CNKSR2: variants seen among roughly 807,000 people sequenced by gnomAD.
CNKSR2 encodes connector enhancer of kinase suppressor of Ras 2.
CNKSR2 carries 14 observed loss-of-function variants against 84.4 expected under a neutral mutation model. The observed-to-expected ratio is 0.17, with a 90% CI of 0.11 to 0.26. CNKSR2 has a LOEUF of 0.26. CNKSR2 is among the 10% of genes least tolerant of loss of function. The pLI, the probability that CNKSR2 is intolerant of heterozygous loss-of-function variation, is 1.00. For missense variants in CNKSR2, 485 were observed against 771.2 expected, an observed-to-expected ratio of 0.63 and a Z score of 4.40; for synonymous variants, 275 against 277.9, an observed-to-expected ratio of 0.99 and a Z score of 0.10.
chrX:21,409,228 T>TTATATA (rs57301315), intron 1 of CNKSR2, among the ~76,000 whole-genome samples: 60 of 38,439 alleles, frequency 1.6e-3, no homozygotes, highest in African/African-American at 2.1e-3. Context: ...AATGAAAAAA[T>TTATATA]TATATATATA....
At chrX:21,537,286 T>C (rs2091937125) in intron 11 of CNKSR2, among the ~76,000 whole-genome samples, 1 of 111,697 alleles carries the variant, frequency 9.0e-6, no homozygotes, top group Admixed American at 9.5e-5. Flanking sequence ...GCCTAACGTA[T>C]GGTCTATCCT....
At chrX:21,517,752 A>G (rs2091743067) in intron 9 of CNKSR2, among the ~76,000 whole-genome samples, 1 of 111,206 alleles carries the variant, frequency 9.0e-6, no homozygotes, top group Non-Finnish European at 1.9e-5. Flanking sequence ...TTGAACTGGA[A>G]CATGGCCCAT....
chrX:21,455,824 T>G (rs1209999681), intron 4 of CNKSR2, among the ~76,000 whole-genome samples: 2 of 112,176 alleles, frequency 1.8e-5, no homozygotes, highest in East Asian at 5.6e-4. Flanking sequence ...CAAACTATGT[T>G]TAGCTCCCTG....
intron 20 of CNKSR2, chrX:21,642,527 G>GT (rs1424693167): frequency 1.3e-6 from 1 of 747,900 alleles, no homozygotes; most frequent in Non-Finnish European, 1.6e-6. Context: ...TGTAGTGGAT[G>GT]TGAAATTTCC....
At chrX:21,441,846 A>G (rs1333447861) in intron 4 of CNKSR2, among the ~76,000 whole-genome samples, 3 of 111,934 alleles carry the variant, frequency 2.7e-5, no homozygotes, top group Non-Finnish European at 5.7e-5. Context: ...AACAGTTATG[A>G]TGATGATTAT....
chrX:21,535,026 G>A (rs2091915368), intron 11 of CNKSR2, among the ~76,000 whole-genome samples: 1 of 110,921 alleles, frequency 9.0e-6, no homozygotes, highest in African/African-American at 3.3e-5. Context: ...TTATATTTAA[G>A]CGTTTAATCC....
intron 8 of CNKSR2, chrX:21,505,031 T>C: frequency 3.7e-6 from 1 of 268,621 alleles, no homozygotes; most frequent in East Asian, 5.3e-5. Context: ...GCAGCAACTC[T>C]GCCCTCATGA....
At chrX:21,473,312 C>T (rs993481504) in intron 5 of CNKSR2, among the ~76,000 whole-genome samples, 1 of 111,748 alleles carries the variant, frequency 8.9e-6, no homozygotes, top group African/African-American at 3.3e-5. Context: ...CAAAGATTAC[C>T]CAGCCTTTAC....
chrX:21,482,631 G>C (rs145849944), intron 5 of CNKSR2, among the ~76,000 whole-genome samples: 2 of 112,240 alleles, frequency 1.8e-5, no homozygotes, highest in Admixed American at 9.4e-5. Context: ...ATAATAGGCT[G>C]TTAGGGGTCA....
chrX:21,529,135 T>C (rs1414912110), intron 10 of CNKSR2, among the ~76,000 whole-genome samples: 3 of 111,139 alleles, frequency 2.7e-5, no homozygotes, highest in African/African-American at 9.8e-5. Context: ...ATAAAACCTC[T>C]CTCATCTCAA....
chrX:21,483,522 A>G (rs1230617512), intron 5 of CNKSR2, among the ~76,000 whole-genome samples: 3 of 108,131 alleles, frequency 2.8e-5, no homozygotes, highest in African/African-American at 6.7e-5. Flanking sequence ...GCACACGAAC[A>G]TGGCACATGT....
At position 21,482,483 on chromosome X, in the gene CNKSR2, TA is replaced by T. The variant is rs746773389; in HGVS notation, c.562-7974del. ...AATTCTGTGAATATAAGGATTTAAG[TA>T]ATTAGAAGCTTGTAGTAACAGGACT... On this transcript the variant is annotated intron_variant, in intron 5 of 21. Coordinates refer to ENST00000379510, the MANE Select transcript of CNKSR2 (RefSeq NM_014927.5). Among the ~76,000 whole-genome samples the T allele has an allele frequency of 2.7e-5, 3 of 112,341 alleles. No homozygotes were observed. In the South Asian group the frequency reaches 1.1e-3, roughly 41 times the overall value.
At chrX:21,632,248 G>A (rs779484894) in intron 20 of CNKSR2, among the ~76,000 whole-genome samples, 1 of 111,504 alleles carries the variant, frequency 9.0e-6, no homozygotes, top group Non-Finnish European at 1.9e-5. Context: ...CAGCTTGGCC[G>A]TTTCTGTTGG....
At chrX:21,533,047 A>G (rs373613365) in intron 11 of CNKSR2, among the ~76,000 whole-genome samples, 1 of 111,136 alleles carries the variant, frequency 9.0e-6, no homozygotes, top group East Asian at 2.8e-4. Context: ...CTTTGGTAAT[A>G]AGTATGAAAG....
At chrX:21,598,927 CAGTA>C (rs1236575505) in intron 17 of CNKSR2, among the ~76,000 whole-genome samples, 4 of 112,708 alleles carry the variant, frequency 3.5e-5, no homozygotes, top group Non-Finnish European at 5.6e-5. Context: ...ACAAGTAAAT[CAGTA>C]AGTATCTTCT....
intron 4 of CNKSR2, among the ~76,000 whole-genome samples, chrX:21,442,109 CAGGAATTTGTTTA>C (rs971329981): frequency 8.1e-5 from 9 of 110,705 alleles, no homozygotes; most frequent in African/African-American, 2.9e-4. Context: ...CCTCCATTTG[CAGGAATTTGTTTA>C]ATCTGCTATA....
intron 9 of CNKSR2, among the ~76,000 whole-genome samples, chrX:21,519,898 T>A (rs926165693): frequency 1.8e-5 from 2 of 111,159 alleles, no homozygotes; most frequent in African/African-American, 6.5e-5. Context: ...TTTAAACTTA[T>A]AAGGAATCGT....
chrX:21,463,216 G>T (rs751242250), intron 4 of CNKSR2, among the ~76,000 whole-genome samples: 19 of 111,056 alleles, frequency 1.7e-4, no homozygotes, highest in Non-Finnish European at 3.6e-4. Context: ...TTAATATATT[G>T]TGGAATTTGG....
chrX:21,603,045 A>T (rs1234672708), intron 18 of CNKSR2, among the ~76,000 whole-genome samples: 1 of 112,135 alleles, frequency 8.9e-6, no homozygotes, highest in Non-Finnish European at 1.9e-5. Context: ...GCCAAATTTT[A>T]TTATGGATGA....
Sources: gnomAD v4.1 joint callset for allele counts (sites outside exome capture counted in the v4.1 genomes callset) on GRCh38, gnomAD v4.1.1 for gene constraint, MANE v1.5 for transcripts, NCBI Gene and HGNC (gene_info 2026-07-23, HGNC 2026-07-21) for gene names.